PKHD1: variants seen among roughly 807,000 people sequenced by gnomAD.
The protein encoded by PKHD1 is PKHD1 ciliary IPT domain containing fibrocystin/polyductin.
PKHD1 carries 291 observed loss-of-function variants against 412.0 expected under a neutral mutation model. The observed-to-expected ratio is 0.71, with a 90% CI of 0.64 to 0.78. The LOEUF (loss-of-function observed/expected upper bound fraction) is 0.78. PKHD1 is among the 30% of genes least tolerant of loss of function. The pLI, the probability that PKHD1 is intolerant of heterozygous loss-of-function variation, is 0.00. For missense variants in PKHD1, 4,825 were observed against 4,950.7 expected, an observed-to-expected ratio of 0.97 and a Z score of 0.76; for synonymous variants, 1,777 against 1,821.5, an observed-to-expected ratio of 0.98 and a Z score of 0.62.
At chr6:51,847,672 T>G (rs1771440569) in intron 50 of PKHD1, 103 bp downstream of exon 50, 2 of 880,446 alleles carry the variant, frequency 2.3e-6, no homozygotes, top group Admixed American at 3.6e-5. Flanking sequence ...CAGCTGTCCC[T>G]TTCAGTTCCT....
intron 35 of PKHD1, among the ~76,000 whole-genome samples, chr6:51,968,442 G>A (rs996962101): frequency 6.6e-6 from 1 of 152,150 alleles, no homozygotes; most frequent in Non-Finnish European, 1.5e-5. Flanking sequence ...CTCACTGAGG[G>A]CAAAGAGCTG....
At chr6:52,067,138 C>G (rs1809854951) in intron 11 of PKHD1, among the ~76,000 whole-genome samples, 1 of 152,104 alleles carries the variant, frequency 6.6e-6, no homozygotes, top group Admixed American at 6.5e-5. Context: ...TTTTATAATG[C>G]TTTTTGCCCA....
chr6:51,991,461 G>T (rs1294776769), intron 35 of PKHD1, among the ~76,000 whole-genome samples: 1 of 152,012 alleles, frequency 6.6e-6, no homozygotes, highest in Non-Finnish European at 1.5e-5. Flanking sequence ...TCTTTTCAAA[G>T]GATAACCTAC....
chr6:51,807,437 C>CAA (rs1174429085), intron 52 of PKHD1, among the ~76,000 whole-genome samples: 1,090 of 39,004 alleles, frequency 0.028, 46 homozygotes, highest in Admixed American at 0.056. Context: ...GACTCTGTCT[C>CAA]AAAAAAAAAA....
intron 49 of PKHD1, 133 bp downstream of exon 49, chr6:51,855,760 T>A: frequency 1.3e-6 from 1 of 759,504 alleles, no homozygotes; most frequent in Non-Finnish European, 2.3e-6. Context: ...GAAGTTTTCT[T>A]TATCTGCATC....
chr6:51,860,342 A>C (rs995654157), intron 48 of PKHD1, among the ~76,000 whole-genome samples: 1 of 152,232 alleles, frequency 6.6e-6, no homozygotes, highest in Non-Finnish European at 1.5e-5. Context: ...CAAATGCCAG[A>C]ATTGACCATG....
intron 49 of PKHD1, among the ~76,000 whole-genome samples, chr6:51,848,548 G>A (rs1218537176): frequency 6.6e-6 from 1 of 152,196 alleles, no homozygotes; most frequent in Non-Finnish European, 1.5e-5. Context: ...CAAAGCAGAA[G>A]AGTGCAGTGT....
intron 22 of PKHD1, 108 bp from the exon 23 acceptor site, chr6:52,048,727 G>C: frequency 7.6e-7 from 1 of 1,323,816 alleles, no homozygotes; most frequent in African/African-American, 1.4e-5. Flanking sequence ...CTTCCAGAAA[G>C]AGCTAAGGGA....
intron 35 of PKHD1, among the ~76,000 whole-genome samples, chr6:51,981,329 C>G (rs77999549): frequency 0.046 from 400 of 8,752 alleles, no homozygotes; most frequent in Non-Finnish European, 0.06. Context: ...CTCCCTCTCC[C>G]TCTCCCTCTC....
intron 55 of PKHD1, among the ~76,000 whole-genome samples, chr6:51,758,445 A>G (rs761240298): frequency 6.6e-6 from 1 of 152,122 alleles, no homozygotes; most frequent in Non-Finnish European, 1.5e-5. Context: ...GTCTTCAAAC[A>G]TTATGGTTAC....
Position 51,903,997 on chromosome 6 carries a change from C to T in PKHD1, c.6854G>A (p.Gly2285Glu), listed in dbSNP as rs142526715. The T allele has an allele frequency of 1.9e-3, 3,084 of 1,582,398 alleles. 6 individuals are homozygous for T. Among genetic ancestry groups the T allele is most frequent in the Non-Finnish European group, 2.5e-3 (2,841 of 1,151,356 alleles). Residue 2285 changes from glycine to glutamate, a missense_variant, in exon 42 of 67, where the codon GGA becomes GAA. Coordinates refer to ENST00000371117, the MANE Select transcript of PKHD1 (RefSeq NM_138694.4). ...MRYISWEAIH[G>E]RKDDWSGHGN... ...ATTTACATATTTACCATCTTTCCTTCCATGAATTGCCTCCCAGGAGATATA... is the reference window on the plus strand; with the variant it reads ...ATTTACATATTTACCATCTTTCCTTTCATGAATTGCCTCCCAGGAGATATA...
chr6:51,772,846 A>G (rs1332475413), intron 54 of PKHD1, 57 bp from the exon 55 acceptor site: 1 of 977,768 alleles, frequency 1.0e-6, no homozygotes, highest in Non-Finnish European at 1.7e-6. Context: ...AATGAAAGCC[A>G]GGTAAGTAAA....
At chr6:51,970,391 T>C (rs1306583814) in intron 35 of PKHD1, among the ~76,000 whole-genome samples, 1 of 152,238 alleles carries the variant, frequency 6.6e-6, no homozygotes. Flanking sequence ...TTTCTACTGT[T>C]CTGCAGGTTA....
chr6:51,844,512 T>A (rs149685253), intron 50 of PKHD1, among the ~76,000 whole-genome samples: 20 of 152,276 alleles, frequency 1.3e-4, no homozygotes, highest in Non-Finnish European at 2.2e-4. Context: ...TGGTCAGTGA[T>A]CCACAATTAT....
chr6:51,783,302 T>A (rs1443638224), intron 53 of PKHD1, among the ~76,000 whole-genome samples: 1 of 151,730 alleles, frequency 6.6e-6, no homozygotes, highest in Non-Finnish European at 1.5e-5. Flanking sequence ...AAACTTTAAA[T>A]ATCCATTAGG....
intron 60 of PKHD1, among the ~76,000 whole-genome samples, chr6:51,696,447 T>C (rs1425242961): frequency 6.6e-6 from 1 of 152,130 alleles, no homozygotes; most frequent in African/African-American, 2.4e-5. Context: ...TCTGTCCAAA[T>C]GTCTAGAAAG....
chr6:51,619,818 C>A (rs762870759), intron 66 of PKHD1, among the ~76,000 whole-genome samples: 2 of 152,184 alleles, frequency 1.3e-5, no homozygotes, highest in Non-Finnish European at 2.9e-5. Flanking sequence ...CTGGCCAACT[C>A]ACACTTACCA....
chr6:52,079,127 T>C (rs114868913), intron 5 of PKHD1, among the ~76,000 whole-genome samples: 2,824 of 152,302 alleles, frequency 0.019, 82 homozygotes, highest in African/African-American at 0.065. Context: ...TACCGCCAAA[T>C]CTCTGCCTTT....
At chr6:51,739,113 ATATT>A (rs1784230466) in intron 60 of PKHD1, among the ~76,000 whole-genome samples, 1 of 146,534 alleles carries the variant, frequency 6.8e-6, no homozygotes, top group Non-Finnish European at 1.5e-5. Context: ...ATATATTTAT[ATATT>A]TTTTTACATA....
Sources: allele counts gnomAD v4.1 joint callset (sites outside exome capture counted in the v4.1 genomes callset), GRCh38; gene constraint gnomAD v4.1.1; transcripts MANE v1.5; gene names NCBI Gene and HGNC (gene_info 2026-07-23, HGNC 2026-07-21).